OR2T6: variants seen among roughly 807,000 people sequenced by gnomAD.
The protein encoded by OR2T6 is olfactory receptor family 2 subfamily T member 6.
For synonymous variants in OR2T6, 174 were observed against 148.0 expected, an observed-to-expected ratio of 1.18 and a Z score of -1.27; for missense variants, 424 against 391.6, an observed-to-expected ratio of 1.08 and a Z score of -0.70.
At chr1:248,378,830 G>A (rs981940634) in intron 1 of OR2T6, among the ~76,000 whole-genome samples, 1 of 152,012 alleles carries the variant, frequency 6.6e-6, no homozygotes, top group Non-Finnish European at 1.5e-5. Context: ...TTCTCCAAAA[G>A]TTTAGCATAT....
intron 1 of OR2T6, among the ~76,000 whole-genome samples, chr1:248,378,381 A>G (rs1019872158): frequency 6.6e-6 from 1 of 152,212 alleles, no homozygotes; most frequent in Admixed American, 6.5e-5. Context: ...AAATGTATTT[A>G]TTTCTTGTAC....
intron 1 of OR2T6, among the ~76,000 whole-genome samples, chr1:248,376,366 T>C (rs888438660): frequency 6.6e-6 from 1 of 152,086 alleles, no homozygotes; most frequent in Non-Finnish European, 1.5e-5. Flanking sequence ...AATCCAGGAG[T>C]ACAGAGGTAA....
At position 248,376,073 on chromosome 1, in the gene OR2T6, C is replaced by T. The variant is rs767463645; in HGVS notation, c.-159+19C>T. On this transcript the variant is annotated intron_variant, in intron 1 of 2. Coordinates refer to ENST00000641644, the MANE Select transcript of OR2T6 (RefSeq NM_001005471.2). ...CCTGTAAGTGATCCACTATCATCAA[C>T]TTATATCTCCATACTCACAGTAAGA... 3.3e-5 allele frequency: 5 copies of T among 152,186 alleles called. No homozygotes were observed. The highest frequency in any genetic ancestry group is 2.0e-4 in the Admixed American group (3 of 15,278). The allele number at this position is 152,186 out of a possible 1,614,324, so 9.4% of individuals were successfully genotyped here. A position where few individuals can be genotyped will look rare whatever the true frequency, so the allele number is the denominator to read the frequency against.
chr1:248,380,973 CA>C lies in OR2T6; in HGVS notation c.-158-3737del, dbSNP rs1661019341. On this transcript the variant is annotated intron_variant, in intron 1 of 2. Coordinates refer to ENST00000641644, the MANE Select transcript of OR2T6 (RefSeq NM_001005471.2). ...TTTTAGTTTTCTTTTCCATTTTGTA[CA>C]TTTTGTTTTGTTTTCTTTGAAGAGT... Among the ~76,000 whole-genome samples, 3 of 151,806 alleles carry C rather than the reference CA, an allele frequency of 2.0e-5. No individual in the cohort carries two copies. In the East Asian group the frequency reaches 5.8e-4, roughly 29 times the overall value.
At chr1:248,382,532 CTTTCT>C (rs1395144802) in intron 1 of OR2T6, among the ~76,000 whole-genome samples, 4 of 117,280 alleles carry the variant, frequency 3.4e-5, no homozygotes, top group Non-Finnish European at 7.3e-5. Context: ...ACCTTTCTTT[CTTTCT>C]TTTTTTTTTT....
rs1661250711 is a variant in OR2T6, at chr1:248,391,670, A to T, written c.*3135A>T. ...TCAAAATTGATTCATCTATTGTAAC[A>T]AATGTACTACACTAATGCCAGATGT... On this transcript the variant is annotated 3_prime_UTR_variant, in exon 3 of 3. Coordinates refer to ENST00000641644, the MANE Select transcript of OR2T6 (RefSeq NM_001005471.2). 6.6e-6 allele frequency: 1 copy of T among 152,208 alleles called. No individual in the cohort carries two copies. The allele number at this position is 152,208 out of a possible 1,614,324, so 9.4% of individuals were successfully genotyped here.
At chr1:248,376,193 T>G (rs1660937022) in intron 1 of OR2T6, 139 bp downstream of exon 1, 16 of 152,206 alleles carry the variant, frequency 1.1e-4, no homozygotes, top group Admixed American at 9.8e-4. Context: ...TTTGTGCATG[T>G]TCAGTTCCCA....
intron 2 of OR2T6, among the ~76,000 whole-genome samples, chr1:248,385,848 A>G (rs1661128544): frequency 6.6e-6 from 1 of 152,230 alleles, no homozygotes; most frequent in South Asian, 2.1e-4. Context: ...ACAGCTTATC[A>G]TAGATTAGCA....
chr1:248,390,691 A>C lies in OR2T6; in HGVS notation c.*2156A>C. ...TCTTGGACAACAGTATGTGCCAGAT[A>C]ATATGAGGGAGCATTTCCAACCAAG... On this transcript the variant is annotated 3_prime_UTR_variant, in exon 3 of 3. Coordinates refer to ENST00000641644, the MANE Select transcript of OR2T6 (RefSeq NM_001005471.2). 1 of 152,198 alleles carries C rather than the reference A, an allele frequency of 6.6e-6. No individual in the cohort carries two copies. Among genetic ancestry groups the C allele is most frequent in the Non-Finnish European group, 1.5e-5 (1 of 68,044 alleles). 9.4% of individuals were successfully genotyped at this position (152,198 alleles called of 1,614,324 possible).
chr1:248,386,745 T>C (rs1661141974), intron 2 of OR2T6, among the ~76,000 whole-genome samples: 1 of 152,246 alleles, frequency 6.6e-6, no homozygotes, highest in African/African-American at 2.4e-5. Flanking sequence ...CAAACTCCTT[T>C]TTGCTTTAGG....
chr1:248,381,697 CTT>C (rs1661036163), intron 1 of OR2T6, among the ~76,000 whole-genome samples: 2 of 151,830 alleles, frequency 1.3e-5, no homozygotes, highest in African/African-American at 2.4e-5. Flanking sequence ...TGATAAGAAT[CTT>C]TTGAGTTCTA....
rs1322222834 is a variant in OR2T6 at position 248,391,038 on chromosome 1, G to C, written c.*2503G>C. The C allele has an allele frequency of 6.6e-6, 1 of 152,070 alleles. No individual in the cohort carries two copies. Among genetic ancestry groups the C allele is most frequent in the Non-Finnish European group, 1.5e-5 (1 of 68,002 alleles). The allele number at this position is 152,070 out of a possible 1,614,324, so 9.4% of individuals were successfully genotyped here. On this transcript the variant is annotated 3_prime_UTR_variant, in exon 3 of 3. Coordinates refer to ENST00000641644, the MANE Select transcript of OR2T6 (RefSeq NM_001005471.2). ...CTTTCATTTCTATCGATCCGTTACA[G>C]ACAAAAGCACACTCTCTTGTACAGC...
chr1:248,381,887 T>C (rs914037568), intron 1 of OR2T6, among the ~76,000 whole-genome samples: 1 of 152,122 alleles, frequency 6.6e-6, no homozygotes, highest in Admixed American at 6.6e-5. Context: ...AATGTCTTCC[T>C]GTTTGAGCCA....
In OR2T6 at chr1:248,391,422, G is replaced by T. The variant is rs1661247433; in HGVS notation, c.*2887G>T. On this transcript the variant is annotated 3_prime_UTR_variant, in exon 3 of 3. Transcript: ENST00000641644. ...ACATCCTGGAAAAAACAAAACTGTGGATACAGGAAAAAGATAAGTGTTGCA... is the reference window on the plus strand; with the variant it reads ...ACATCCTGGAAAAAACAAAACTGTGTATACAGGAAAAAGATAAGTGTTGCA... 1 of 152,192 alleles carries T rather than the reference G, an allele frequency of 6.6e-6. No homozygotes were observed. Among genetic ancestry groups the T allele is most frequent in the Non-Finnish European group, 1.5e-5 (1 of 68,052 alleles). The allele number at this position is 152,192 out of a possible 1,614,324, so 9.4% of individuals were successfully genotyped here. A position where few individuals can be genotyped will look rare whatever the true frequency, so the allele number is the denominator to read the frequency against.
At chr1:248,379,786 G>A (rs1043801792) in intron 1 of OR2T6, among the ~76,000 whole-genome samples, 120 of 152,032 alleles carry the variant, frequency 7.9e-4, no homozygotes, top group African/African-American at 2.7e-3. Flanking sequence ...TCTGAACTAG[G>A]AATTTTGGGA....
intron 1 of OR2T6, among the ~76,000 whole-genome samples, chr1:248,382,394 T>C (rs1004386308): frequency 2.0e-5 from 3 of 151,936 alleles, no homozygotes; most frequent in African/African-American, 7.3e-5. Context: ...ATATACAGAG[T>C]CTTTTTGTTC....
chr1:248,384,546 T>C (rs544879452), intron 1 of OR2T6, among the ~76,000 whole-genome samples, 165 bp from the exon 2 acceptor site: 26 of 122,568 alleles, frequency 2.1e-4, no homozygotes, highest in African/African-American at 8.7e-4. Flanking sequence ...GTTATCATCA[T>C]GGAGAAAGCA....
intron 2 of OR2T6, 131 bp from the exon 3 acceptor site, chr1:248,387,473 CA>C (rs752532726): frequency 4.1e-6 from 2 of 490,842 alleles, no homozygotes; most frequent in Non-Finnish European, 6.9e-6. Context: ...TCTACCACAC[CA>C]AAAAAAGTTT....
rs773197375 is a variant in OR2T6, at chr1:248,382,532, C to CTTTTTTTTTTTTTTTTTTTTTTTTTT, written c.-158-2176_-158-2175insTTTTTTTTTTTTTTTTTTTTTTTTTT. ...CAATACTCCATGTCTACCTTTCTTT[C>CTTTTTTTTTTTTTTTTTTTTTTTTTT]TTTCTTTTTTTTTTTTTTTAGATGG... On this transcript the variant is annotated intron_variant, in intron 1 of 2. Transcript: ENST00000641644. 1.7e-5 allele frequency among the ~76,000 whole-genome samples: 2 copies of CTTTTTTTTTTTTTTTTTTTTTTTTTT among 117,288 alleles called. 1 individual carries two copies. Among genetic ancestry groups the CTTTTTTTTTTTTTTTTTTTTTTTTTT allele is most frequent in the Non-Finnish European group, 3.6e-5 (2 of 54,882 alleles). The allele number at this position is 117,288 out of a possible 152,430, so 76.9% of individuals were successfully genotyped here. A position where few individuals can be genotyped will look rare whatever the true frequency, so the allele number is the denominator to read the frequency against.
Sources: gnomAD v4.1 joint callset for allele counts (sites outside exome capture counted in the v4.1 genomes callset) on GRCh38, gnomAD v4.1.1 for gene constraint, MANE v1.5 for transcripts, NCBI Gene and HGNC (gene_info 2026-07-23, HGNC 2026-07-21) for gene names.